Variants in ADAM23 observed in about 807,000 individuals in gnomAD.
ADAM23 encodes disintegrin and metalloproteinase domain-containing protein 23.
In ADAM23, 33 loss-of-function variants were observed where a neutral mutation model predicts 120.1. The observed-to-expected ratio is 0.27, with a 90% CI of 0.21 to 0.37. The LOEUF (loss-of-function observed/expected upper bound fraction) is 0.37. Among genes scored for constraint, ADAM23 ranks in the 10% least tolerant of loss-of-function variants. The pLI is 1.00. For missense variants in ADAM23, 862 were observed against 1,058.2 expected (o/e 0.81, Z 2.57); for synonymous variants, 367 against 375.2 (o/e 0.98, Z 0.25).
chr2:206,517,336 C>T (rs1696755557), intron 3 of ADAM23, among the ~76,000 whole-genome samples: 1 of 152,182 alleles, frequency 6.6e-6, no homozygotes, highest in African/African-American at 2.4e-5. Flanking sequence ...CCTCAGACCC[C>T]TCATTGCTTA....
intron 2 of ADAM23, among the ~76,000 whole-genome samples, chr2:206,458,230 A>G (rs1217586377): frequency 1.3e-5 from 2 of 152,248 alleles, no homozygotes; most frequent in Non-Finnish European, 2.9e-5. Context: ...TATCAATCGC[A>G]CAGTGCCTGG....
At chr2:206,611,586 G>A (rs750017912) in intron 25 of ADAM23, among the ~76,000 whole-genome samples, 16 of 152,094 alleles carry the variant, frequency 1.1e-4, no homozygotes, top group Non-Finnish European at 7.4e-5. Context: ...CTCATTTGGC[G>A]TTAAGAAATC....
At chr2:206,455,209 A>G (rs957163716) in intron 2 of ADAM23, among the ~76,000 whole-genome samples, 1 of 152,212 alleles carries the variant, frequency 6.6e-6, no homozygotes. Context: ...TTCTGCATAC[A>G]TGTGGGCCCA....
chr2:206,480,760 C>CA (rs1695879991), intron 2 of ADAM23, among the ~76,000 whole-genome samples: 1 of 152,138 alleles, frequency 6.6e-6, no homozygotes, highest in African/African-American at 2.4e-5. Context: ...TGTACTCTCC[C>CA]ATTTTACTGT....
chr2:206,563,517 A>G (rs930225635), intron 13 of ADAM23, among the ~76,000 whole-genome samples: 2 of 152,170 alleles, frequency 1.3e-5, no homozygotes, highest in Non-Finnish European at 2.9e-5. Flanking sequence ...TACACATTAA[A>G]GGAAGTGTTT....
chr2:206,594,652 C>A, intron 22 of ADAM23, 85 bp from the exon 23 acceptor site: 1 of 1,496,998 alleles, frequency 6.7e-7, no homozygotes, highest in Admixed American at 1.8e-5. Flanking sequence ...ACAGCCTCTT[C>A]GGTTTTGTGA....
intron 2 of ADAM23, among the ~76,000 whole-genome samples, chr2:206,480,599 A>G (rs578020898): frequency 6.6e-6 from 1 of 152,096 alleles, no homozygotes; most frequent in African/African-American, 2.4e-5. Context: ...CATCTAGTAA[A>G]TAGGATTCAT....
intron 2 of ADAM23, among the ~76,000 whole-genome samples, chr2:206,476,941 G>A (rs1695787235): frequency 6.6e-6 from 1 of 152,154 alleles, no homozygotes; most frequent in African/African-American, 2.4e-5. Context: ...CACCTATTAT[G>A]TGTGAAACAT....
At chr2:206,559,575 C>G (rs979079539) in intron 10 of ADAM23, among the ~76,000 whole-genome samples, 1 of 152,146 alleles carries the variant, frequency 6.6e-6, no homozygotes, top group African/African-American at 2.4e-5. Context: ...TAAATTGTTG[C>G]ACTGCGGTTA....
chr2:206,583,573 T>G (rs555168603), intron 18 of ADAM23, among the ~76,000 whole-genome samples: 2 of 152,288 alleles, frequency 1.3e-5, no homozygotes, highest in African/African-American at 4.8e-5. Flanking sequence ...TCTTTTTTCT[T>G]TTTCTTTGTT....
intron 24 of ADAM23, among the ~76,000 whole-genome samples, chr2:206,600,362 G>T (rs1040278369): frequency 2.0e-5 from 3 of 151,994 alleles, no homozygotes; most frequent in Non-Finnish European, 4.4e-5. Context: ...ATAGATGAAG[G>T]TTTTCTGTAT....
At chr2:206,542,216 TC>T (rs1186163564) in intron 5 of ADAM23, 82 bp downstream of exon 5, 3 of 1,362,298 alleles carry the variant, frequency 2.2e-6, no homozygotes, top group Non-Finnish European at 2.1e-6. Flanking sequence ...TAGTGACTCT[TC>T]CGTGCCAGTG....
rs565801558 is a variant in ADAM23 at position 206,556,259 on chromosome 2, CATT to C, written c.934-1166_934-1164del. On this transcript the variant is annotated intron_variant, in intron 9 of 25. Coordinates refer to ENST00000264377, the MANE Select transcript of ADAM23 (RefSeq NM_003812.4). ...TGTTTTTGTTGTTATAAAAAATAAA[CATT>C]AGATATGTAAACATTGAGATATATA... Among the ~76,000 whole-genome samples, 59 of 151,956 alleles carry C rather than the reference CATT, an allele frequency of 3.9e-4. 2 individuals are homozygous for C. Among genetic ancestry groups the C allele is most frequent in the Admixed American group, 3.0e-3 (45 of 15,254 alleles).
chr2:206,600,335 A>G (rs548068213), intron 24 of ADAM23, among the ~76,000 whole-genome samples: 1 of 152,380 alleles, frequency 6.6e-6, no homozygotes, highest in African/African-American at 2.4e-5. Flanking sequence ...CACCACCCAC[A>G]GTGGCCAATC....
intron 2 of ADAM23, among the ~76,000 whole-genome samples, chr2:206,478,001 G>A (rs997381714): frequency 6.7e-6 from 1 of 148,804 alleles, no homozygotes; most frequent in African/African-American, 2.5e-5. Flanking sequence ...TATAAAAACT[G>A]TGTAATATTT....
intron 4 of ADAM23, among the ~76,000 whole-genome samples, chr2:206,536,719 T>G (rs1218328075): frequency 6.6e-6 from 1 of 152,184 alleles, no homozygotes; most frequent in Non-Finnish European, 1.5e-5. Context: ...ACAACTTTTT[T>G]TTTTGAGACA....
intron 2 of ADAM23, among the ~76,000 whole-genome samples, chr2:206,469,124 A>T (rs1203752124): frequency 6.6e-6 from 1 of 152,206 alleles, no homozygotes; most frequent in African/African-American, 2.4e-5. Context: ...ATTGAACATG[A>T]GATTTGGGTG....
chr2:206,608,288 G>A (rs1048345390), intron 24 of ADAM23, among the ~76,000 whole-genome samples: 2 of 152,174 alleles, frequency 1.3e-5, no homozygotes, highest in Non-Finnish European at 2.9e-5. Flanking sequence ...AGCAGACAGT[G>A]GGGCTAGATT....
chr2:206,531,088 G>T (rs1392895732), intron 4 of ADAM23, 140 bp downstream of exon 4: 6 of 615,614 alleles, frequency 9.7e-6, no homozygotes, highest in Non-Finnish European at 1.6e-5. Context: ...TTAGTGAGGA[G>T]AAATTTATTA....
Sources: gnomAD v4.1 joint callset for allele counts (sites outside exome capture counted in the v4.1 genomes callset) on GRCh38, gnomAD v4.1.1 for gene constraint, MANE v1.5 for transcripts, NCBI Gene and HGNC (gene_info 2026-07-23, HGNC 2026-07-21) for gene names.